Variants in OTUB2 observed in about 807,000 individuals in gnomAD.
OTUB2 encodes the protein ubiquitin thioesterase OTUB2.
In OTUB2, 21 loss-of-function variants were observed where a neutral mutation model predicts 25.1. The ratio of observed to expected loss-of-function variants is 0.84; its 90% CI spans 0.59 to 1.21. OTUB2 has a LOEUF of 1.21. Ranked by LOEUF, OTUB2 falls within the 50% of genes most tolerant of loss-of-function variation. OTUB2 has a pLI of 0.00. For missense variants in OTUB2, 283 were observed against 298.0 expected, an observed-to-expected ratio of 0.95 and a Z score of 0.37; for synonymous variants, 122 against 122.8, an observed-to-expected ratio of 0.99 and a Z score of 0.04.
At chr14:94,045,162 TAAG>T (rs1217605204) in intron 5 of OTUB2, among the ~76,000 whole-genome samples, 1 of 152,204 alleles carries the variant, frequency 6.6e-6, no homozygotes, top group Admixed American at 6.5e-5. Flanking sequence ...TGCTGGAAAG[TAAG>T]AAGTACAGCC....
chr14:94,044,054 C>T lies in OTUB2; in HGVS notation c.302C>T (p.Ala101Val), dbSNP rs968152272. 6.2e-7 allele frequency: 1 copy of T among 1,613,818 alleles called. No homozygotes were observed. The highest frequency in any genetic ancestry group is 8.5e-7 in the Non-Finnish European group (1 of 1,179,674). Reference sequence around the variant, plus strand: ...CACAAGTTCAGAAACTTCTTCAATGCTGTGAGTTCACCTGGTCCCTCCTTC... The same window carrying T: ...CACAAGTTCAGAAACTTCTTCAATGTTGTGAGTTCACCTGGTCCCTCCTTC... The part of the protein sequence containing the change: ...EEHKFRNFFN[A>V]FYSVVELVEK... The change falls in exon 4 of 6, where the codon GCT becomes GTT. Residue 101 changes from alanine (A) to valine (V), a missense_variant and splice_region_variant. Transcript: ENST00000203664.
intron 1 of OTUB2, among the ~76,000 whole-genome samples, chr14:94,030,978 G>A (rs1024694317): frequency 2.0e-5 from 3 of 152,234 alleles, no homozygotes; most frequent in African/African-American, 7.2e-5. Flanking sequence ...CTCCAGCACT[G>A]TCAGATCGCA....
chr14:94,032,530 T>G (rs1884982689), intron 1 of OTUB2, among the ~76,000 whole-genome samples: 1 of 151,162 alleles, frequency 6.6e-6, no homozygotes, highest in Admixed American at 6.6e-5. Flanking sequence ...GAGTAGAGAT[T>G]CATCATAAGT....
chr14:94,037,557 C>A, intron 2 of OTUB2, 82 bp downstream of exon 2: 2 of 927,914 alleles, frequency 2.2e-6, no homozygotes. Context: ...TCTTTGAAGG[C>A]CGATAGTTTG....
chr14:94,044,449 A>G (rs1322727928), intron 4 of OTUB2, 137 bp from the exon 5 acceptor site: 1 of 956,290 alleles, frequency 1.0e-6, no homozygotes, highest in Non-Finnish European at 1.5e-6. Context: ...TCTCAGACTG[A>G]TTTTCTAACT....
intron 1 of OTUB2, among the ~76,000 whole-genome samples, chr14:94,035,619 C>CTAAGCTA (rs1885041237): frequency 6.6e-6 from 1 of 152,080 alleles, no homozygotes; most frequent in Admixed American, 6.6e-5. Context: ...TGAATTCATC[C>CTAAGCTA]TCTATTCTTA....
At chr14:94,032,544 C>T (rs980555932) in intron 1 of OTUB2, among the ~76,000 whole-genome samples, 3 of 146,316 alleles carry the variant, frequency 2.1e-5, no homozygotes, top group East Asian at 1.9e-4. Flanking sequence ...CATAAGTACA[C>T]GGAAGAAAAA....
At chr14:94,031,622 C>A (rs1012016) in intron 1 of OTUB2, among the ~76,000 whole-genome samples, 38,281 of 152,076 alleles carry the variant, frequency 0.25, 5,746 homozygotes, top group African/African-American at 0.41. Context: ...CAGCAGACAG[C>A]TGTAGTGCTG....
chr14:94,028,412 A>G (rs57141766), intron 1 of OTUB2, among the ~76,000 whole-genome samples: 10,131 of 152,298 alleles, frequency 0.067, 757 homozygotes, highest in African/African-American at 0.19. Flanking sequence ...CTGTTTCTAC[A>G]TCACTGGGCT....
chr14:94,033,336 C>T (rs1457386598), intron 1 of OTUB2, among the ~76,000 whole-genome samples: 3 of 152,356 alleles, frequency 2.0e-5, no homozygotes, highest in East Asian at 1.9e-4. Context: ...GTGCCACCCC[C>T]GTTCCTAATC....
At chr14:94,036,638 A>G (rs781718497) in intron 1 of OTUB2, among the ~76,000 whole-genome samples, 5 of 152,046 alleles carry the variant, frequency 3.3e-5, no homozygotes, top group Non-Finnish European at 4.4e-5. Flanking sequence ...TCTGTCCGCC[A>G]ATTTCTTCTC....
chr14:94,043,524 C>T (rs995619698), intron 3 of OTUB2, among the ~76,000 whole-genome samples: 1 of 152,236 alleles, frequency 6.6e-6, no homozygotes, highest in Non-Finnish European at 1.5e-5. Context: ...ATGCGCAGAG[C>T]AAGGGCCTGT....
At chr14:94,026,644 G>T (rs889630848) in intron 1 of OTUB2, 104 bp downstream of exon 1, 21 of 1,156,866 alleles carry the variant, frequency 1.8e-5, no homozygotes, top group Non-Finnish European at 2.1e-5. Flanking sequence ...CGGACGCGAG[G>T]CTCAGCCCCC....
At position 94,045,790 on chromosome 14, in the gene OTUB2, G is replaced by C. The variant is rs552429905; in HGVS notation, c.573G>C (p.Leu191=). The C allele has an allele frequency of 9.9e-6, 16 of 1,614,216 alleles. No individual in the cohort carries two copies. The African/African-American group carries it at 1.7e-4, about 17-fold the overall frequency. The change falls in exon 6 of 6, where the codon CTG becomes CTC. Residue 191 remains leucine, a synonymous_variant. Transcript: ENST00000203664. ...TGTCGCAGGCCCTGAGCATTGCCCT[G>C]CAAGTGGAGTACGTGGACGAGATGG... ...TALSQALSIA[L]QVEYVDEMDT... is the part of the protein sequence containing the mutation.
Position 94,037,486 on chromosome 14 carries a change from G to A in OTUB2, c.99+11G>A. On this transcript the variant is annotated intron_variant, in intron 2 of 5. Coordinates refer to ENST00000203664, the MANE Select transcript of OTUB2 (RefSeq NM_023112.4). ...CGGAGGAAAATCGAGGTGAGGCAGA[G>A]GGCAGGGAGAAGAGCATCCGAAACT... 1 of 1,563,466 alleles carries A rather than the reference G, an allele frequency of 6.4e-7. No homozygotes were observed. The highest frequency in any genetic ancestry group is 1.1e-5 in the South Asian group (1 of 89,526).
At chr14:94,035,043 G>C (rs1272413495) in intron 1 of OTUB2, among the ~76,000 whole-genome samples, 1 of 152,206 alleles carries the variant, frequency 6.6e-6, no homozygotes, top group Non-Finnish European at 1.5e-5. Flanking sequence ...CTGCCCCCAA[G>C]TGTTGTCTGA....
At chr14:94,032,954 C>T (rs1232420839) in intron 1 of OTUB2, among the ~76,000 whole-genome samples, 1 of 152,212 alleles carries the variant, frequency 6.6e-6, no homozygotes, top group Non-Finnish European at 1.5e-5. Flanking sequence ...GTCTGTTGCC[C>T]AGGCTGGAGT....
chr14:94,045,891 A>G lies in OTUB2; in HGVS notation c.674A>G (p.Tyr225Cys). 6.2e-7 allele frequency: 1 copy of G among 1,614,180 alleles called. No homozygotes were observed. The highest frequency in any genetic ancestry group is 8.5e-7 in the Non-Finnish European group (1 of 1,180,026). Residue 225 changes from tyrosine to cysteine, a missense_variant, in exon 6 of 6, where the codon TAC becomes TGC. Coordinates refer to ENST00000203664, the MANE Select transcript of OTUB2 (RefSeq NM_023112.4). The part of the protein sequence containing the change: ...SVYLLYKTSH[Y>C]NILYAADKH ...TACCTGCTCTATAAAACATCCCACT[A>G]CAACATCCTTTATGCAGCCGATAAA...
chr14:94,038,918 G>A (rs762886661), intron 2 of OTUB2, 45 bp from the exon 3 acceptor site: 1 of 1,562,724 alleles, frequency 6.4e-7, no homozygotes, highest in Non-Finnish European at 8.8e-7. Context: ...ACCACACAGA[G>A]CCGTTGTTGG....
Sources: allele counts gnomAD v4.1 joint callset (sites outside exome capture counted in the v4.1 genomes callset), GRCh38; gene constraint gnomAD v4.1.1; transcripts MANE v1.5; gene names NCBI Gene and HGNC (gene_info 2026-07-23, HGNC 2026-07-21).